Variants in TMC2 observed in about 807,000 individuals in gnomAD.
TMC2 encodes the protein transmembrane channel-like protein 2.
In TMC2, 102 loss-of-function variants were observed where a neutral mutation model predicts 105.9. The ratio of observed to expected loss-of-function variants is 0.96; its 90% CI spans 0.82 to 1.14. TMC2 has a LOEUF of 1.14. Ranked by LOEUF, TMC2 falls within the 50% of genes most tolerant of loss-of-function variation. The pLI is 0.00. For missense variants in TMC2, 1,093 were observed against 1,134.3 expected (o/e 0.96, Z 0.52); for synonymous variants, 402 against 422.8 (o/e 0.95, Z 0.60).
At position 2,641,173 on chromosome 20, in the gene TMC2, A is replaced by T. The variant is rs923521600; in HGVS notation, c.2543A>T (p.Asp848Val). 6.2e-7 allele frequency: 1 copy of T among 1,613,872 alleles called. No individual in the cohort carries two copies. Among genetic ancestry groups the T allele is most frequent in the Non-Finnish European group, 8.5e-7 (1 of 1,179,922 alleles). The change falls in exon 20 of 20, where the codon GAC becomes GTC. Residue 848 changes from aspartate to valine, a missense_variant. Transcript: ENST00000358864. ...TCTGCCAGCCAAAGCCAGGCCATGG[A>T]CAAGAAGGCGCAGGGCCCTGGGACC... ...PPSASQSQAM[D>V]KKAQGPGTSN...
At chr20:2,619,782 G>A (rs1050695555) in intron 16 of TMC2, among the ~76,000 whole-genome samples, 2 of 152,210 alleles carry the variant, frequency 1.3e-5, no homozygotes, top group Admixed American at 1.3e-4. Flanking sequence ...AAGGTTTGGA[G>A]GGCTGGGCCC....
chr20:2,603,792 G>T (rs1404394353), intron 11 of TMC2, among the ~76,000 whole-genome samples: 1 of 152,054 alleles, frequency 6.6e-6, no homozygotes, highest in Admixed American at 6.5e-5. Context: ...GGCAAATGCT[G>T]ACTTTTCAAA....
At chr20:2,609,906 G>A (rs569022017) in intron 11 of TMC2, among the ~76,000 whole-genome samples, 5 of 152,288 alleles carry the variant, frequency 3.3e-5, no homozygotes, top group East Asian at 1.9e-4. Context: ...GGAGTGCAGT[G>A]GTGCAATCTC....
At chr20:2,593,205 A>G (rs1200705905) in intron 8 of TMC2, among the ~76,000 whole-genome samples, 2 of 152,140 alleles carry the variant, frequency 1.3e-5, no homozygotes, top group African/African-American at 2.4e-5. Context: ...CAGAACAACC[A>G]GATCTCACCA....
chr20:2,556,361 G>A (rs1291511055), intron 2 of TMC2, among the ~76,000 whole-genome samples: 1 of 152,220 alleles, frequency 6.6e-6, no homozygotes, highest in Non-Finnish European at 1.5e-5. Flanking sequence ...TTACAGGCGT[G>A]AGCCACCAGG....
chr20:2,640,892 G>C (rs952689221), intron 19 of TMC2, among the ~76,000 whole-genome samples: 1 of 152,028 alleles, frequency 6.6e-6, no homozygotes, highest in Admixed American at 6.6e-5. Context: ...GGATCAGAGA[G>C]TCTAGCCTAA....
chr20:2,606,884 C>CTTTTTTTTTTTTTTTTTTTTTTTTTT (rs1276064402), intron 11 of TMC2, among the ~76,000 whole-genome samples: 1 of 88,258 alleles, frequency 1.1e-5, no homozygotes, highest in African/African-American at 6.0e-5. Context: ...CCCTTAATTT[C>CTTTTTTTTTTTTTTTTTTTTTTTTTT]TTTTTTCTTT....
At chr20:2,614,689 G>C (rs1019672863) in intron 14 of TMC2, among the ~76,000 whole-genome samples, 1 of 151,960 alleles carries the variant, frequency 6.6e-6, no homozygotes, top group Non-Finnish European at 1.5e-5. Flanking sequence ...CTAGAAAATA[G>C]ACCAACATGT....
chr20:2,597,193 T>C lies in TMC2; in HGVS notation c.1119T>C (p.Ser373=). 1 of 1,613,316 alleles carries C rather than the reference T, an allele frequency of 6.2e-7. No individual in the cohort carries two copies. Among genetic ancestry groups the C allele is most frequent in the Non-Finnish European group, 8.5e-7 (1 of 1,179,782 alleles). The change falls in exon 10 of 20, where the codon AGT becomes AGC. Residue 373 remains serine (S), a synonymous_variant. Coordinates refer to ENST00000358864, the MANE Select transcript of TMC2 (RefSeq NM_080751.3). ...NTQGSTGEGE[S]DNFTFSFKMF... The stretch of plus-strand genomic sequence containing the variant: ...AAGGAAGCACAGGCGAAGGGGAGAG[T>C]GACAACTTCACATTCAGCTTCAAGA...
intron 2 of TMC2, among the ~76,000 whole-genome samples, chr20:2,543,380 G>C (rs1041827991): frequency 6.6e-6 from 1 of 152,228 alleles, no homozygotes; most frequent in Non-Finnish European, 1.5e-5. Context: ...TTACAGAGGG[G>C]AAGGAAGGCC....
intron 5 of TMC2, among the ~76,000 whole-genome samples, chr20:2,573,431 C>A (rs866030947): frequency 6.6e-6 from 1 of 151,654 alleles, no homozygotes; most frequent in Admixed American, 6.6e-5. Context: ...TTTGCAAATG[C>A]GATCATTTTT....
chr20:2,542,940 T>TG (rs1555769646), intron 2 of TMC2, among the ~76,000 whole-genome samples: 3 of 151,966 alleles, frequency 2.0e-5, no homozygotes, highest in Non-Finnish European at 2.9e-5. Context: ...TTTTTCTTTT[T>TG]AAAACAAAAT....
intron 17 of TMC2, 111 bp downstream of exon 17, chr20:2,624,507 C>G (rs553554257): frequency 3.2e-6 from 4 of 1,269,332 alleles, no homozygotes; most frequent in Admixed American, 4.6e-5. Flanking sequence ...TCCCCAGAAG[C>G]AGAATCCATG....
intron 7 of TMC2, among the ~76,000 whole-genome samples, chr20:2,589,325 G>T (rs867201053): frequency 3.5e-5 from 1 of 28,662 alleles, no homozygotes; most frequent in Non-Finnish European, 6.5e-5. Flanking sequence ...TGTGTGTGTG[G>T]AGATGGGGTT....
rs549532202 is a variant in TMC2 at position 2,597,687 on chromosome 20, G to A, written c.1224+389G>A. On this transcript the variant is annotated intron_variant, in intron 10 of 19. Transcript: ENST00000358864. ...TTTTTTTTGTATTTTTAGTAGAGAT[G>A]GGGTTTTACCATGTTGGTCAGGCTG... 8.2e-4 allele frequency among the ~76,000 whole-genome samples: 124 copies of A among 151,062 alleles called. 1 individual carries two copies. The highest frequency in any genetic ancestry group is 2.8e-3 in the African/African-American group (117 of 41,164).
intron 8 of TMC2, among the ~76,000 whole-genome samples, chr20:2,593,858 T>C (rs1243298481): frequency 1.3e-5 from 2 of 152,108 alleles, no homozygotes; most frequent in Non-Finnish European, 2.9e-5. Context: ...CTTAATTGGG[T>C]TTACAAAGGA....
chr20:2,636,379 T>G (rs547657536), intron 18 of TMC2, among the ~76,000 whole-genome samples: 2 of 151,870 alleles, frequency 1.3e-5, no homozygotes, highest in Admixed American at 1.3e-4. Flanking sequence ...CCCTTTAGCC[T>G]AAAAGATCTC....
intron 2 of TMC2, among the ~76,000 whole-genome samples, chr20:2,552,855 T>C (rs773586137): frequency 6.6e-6 from 1 of 152,216 alleles, no homozygotes; most frequent in African/African-American, 2.4e-5. Flanking sequence ...AATGGAGTTG[T>C]GATTTTAACT....
At chr20:2,596,743 GTA>G (rs1555774913) in intron 9 of TMC2, among the ~76,000 whole-genome samples, 25 of 150,194 alleles carry the variant, frequency 1.7e-4, no homozygotes, top group East Asian at 2.0e-4. Context: ...GTGTGTGTGT[GTA>G]TGTGTGTGTG....
Sources: allele counts gnomAD v4.1 joint callset (sites outside exome capture counted in the v4.1 genomes callset), GRCh38; gene constraint gnomAD v4.1.1; transcripts MANE v1.5; gene names NCBI Gene and HGNC (gene_info 2026-07-23, HGNC 2026-07-21).